The following EIF2AK4 variants were observed in gnomAD, a reference collection of about 807,000 sequenced individuals.
The protein encoded by EIF2AK4 is eukaryotic translation initiation factor 2 alpha kinase 4.
Under a neutral mutation model 211.1 loss-of-function variants are expected in EIF2AK4, and 139 were observed. That is an observed-to-expected ratio of 0.66 (90% confidence interval 0.57 to 0.76). EIF2AK4 has a LOEUF of 0.76. EIF2AK4 is among the 30% of genes least tolerant of loss of function. EIF2AK4 has a pLI of 0.00. For missense variants in EIF2AK4, 1,664 were observed against 2,043.8 expected (o/e 0.81, Z 3.58); for synonymous variants, 710 against 751.3 (o/e 0.94, Z 0.90).
At position 40,010,572 on chromosome 15, in the gene EIF2AK4, G is replaced by C. The variant is rs115945415; in HGVS notation, c.3694-709G>C. 7.5e-3 allele frequency among the ~76,000 whole-genome samples: 1,147 copies of C among 152,282 alleles called. 17 individuals carry two copies. The highest frequency in any genetic ancestry group is 0.026 in the African/African-American group (1,084 of 41,556). On this transcript the variant is annotated intron_variant, in intron 26 of 38. Transcript: ENST00000263791. ...GTTTTCTAATATCTTTTCATGTTAA[G>C]TTTTGTTTTCATAATGAATAAGAGG...
At chr15:39,989,421 C>A (rs1375762770) in intron 15 of EIF2AK4, among the ~76,000 whole-genome samples, 1 of 152,138 alleles carries the variant, frequency 6.6e-6, no homozygotes, top group African/African-American at 2.4e-5. Context: ...GCAGAATTTG[C>A]AAGGTTAGAA....
chr15:39,948,730 A>G (rs2034263787), intron 3 of EIF2AK4, among the ~76,000 whole-genome samples: 1 of 152,212 alleles, frequency 6.6e-6, no homozygotes, highest in Non-Finnish European at 1.5e-5. Flanking sequence ...CATTATGTGG[A>G]CAGGTTTTCT....
chr15:39,956,225 C>T (rs979216588), intron 6 of EIF2AK4, among the ~76,000 whole-genome samples: 9 of 151,922 alleles, frequency 5.9e-5, no homozygotes, highest in Admixed American at 3.3e-4. Flanking sequence ...AGGCTGGTCT[C>T]GAACTCCTGA....
At chr15:40,002,191 A>G (rs970473112) in intron 21 of EIF2AK4, among the ~76,000 whole-genome samples, 1 of 152,190 alleles carries the variant, frequency 6.6e-6, no homozygotes, top group Non-Finnish European at 1.5e-5. Flanking sequence ...ATTATAGGTG[A>G]CTTTTTTATA....
intron 26 of EIF2AK4, 80 bp from the exon 27 acceptor site, chr15:40,011,201 G>A: frequency 8.6e-7 from 1 of 1,162,156 alleles, no homozygotes; most frequent in South Asian, 1.3e-5. Flanking sequence ...GGCTATACTT[G>A]TTAGAATTCG....
rs561895369 is a variant in EIF2AK4 at position 39,973,143 on chromosome 15, T to C, written c.1660+129T>C. The C allele has an allele frequency of 3.8e-5, 29 of 770,152 alleles. 2 individuals carry two copies. In the South Asian group the frequency reaches 4.9e-4, roughly 13 times the overall value. 47.7% of individuals were successfully genotyped at this position (770,152 alleles called of 1,614,324 possible). A position where few individuals can be genotyped will look rare whatever the true frequency, so the allele number is the denominator to read the frequency against. On this transcript the variant is annotated intron_variant, in intron 10 of 38. Transcript: ENST00000263791. ...GTCTTTTATTCTGAACTAAATCCAT[T>C]AGTTTGATGTGTGCCATGTGCATGG...
At chr15:39,978,530 C>T (rs1269099665) in intron 13 of EIF2AK4, among the ~76,000 whole-genome samples, 1 of 152,194 alleles carries the variant, frequency 6.6e-6, no homozygotes. Flanking sequence ...TGTCCCACGT[C>T]AATTAATCTT....
At chr15:39,952,438 C>T (rs1431387689) in intron 4 of EIF2AK4, among the ~76,000 whole-genome samples, 1 of 151,840 alleles carries the variant, frequency 6.6e-6, no homozygotes, top group Non-Finnish European at 1.5e-5. Flanking sequence ...ACTGCACCTG[C>T]CTAATTTTAA....
Position 40,020,881 on chromosome 15 carries a change from G to T in EIF2AK4, c.4174-18G>T, listed in dbSNP as rs772777555. 6.2e-7 allele frequency: 1 copy of T among 1,601,116 alleles called. No homozygotes were observed. The highest frequency in any genetic ancestry group is 2.3e-5 in the East Asian group (1 of 44,444). ...CAGTCTTGCTCCTCTAACTGTAACC[G>T]GTCTGTTTCTGATCCAGGTTACAAT... is the stretch of plus-strand genomic sequence containing the variant. On this transcript the variant is annotated intron_variant, in intron 30 of 38. Transcript: ENST00000263791.
At chr15:40,034,907 C>A in intron 38 of EIF2AK4, 120 bp from the exon 39 acceptor site, 1 of 687,140 alleles carries the variant, frequency 1.5e-6, no homozygotes, top group Non-Finnish European at 2.4e-6. Context: ...TTTTTAATGA[C>A]TAGCCTTCCA....
intron 7 of EIF2AK4, among the ~76,000 whole-genome samples, chr15:39,963,538 A>G (rs1307575578): frequency 6.6e-6 from 1 of 152,194 alleles, no homozygotes; most frequent in African/African-American, 2.4e-5. Flanking sequence ...ATGTTTTTAT[A>G]AAAGATTAAC....
At chr15:39,949,678 C>A (rs760856298) in intron 4 of EIF2AK4, among the ~76,000 whole-genome samples, 11 of 152,098 alleles carry the variant, frequency 7.2e-5, no homozygotes, top group Non-Finnish European at 1.2e-4. Context: ...TATATATTAT[C>A]TTTGATTTAA....
At chr15:40,029,777 TGAAG>T (rs1317880334) in intron 34 of EIF2AK4, among the ~76,000 whole-genome samples, 2 of 152,200 alleles carry the variant, frequency 1.3e-5, no homozygotes, top group African/African-American at 2.4e-5. Context: ...TACAGAGGAT[TGAAG>T]GAAGTATTTT....
intron 1 of EIF2AK4, among the ~76,000 whole-genome samples, chr15:39,936,897 C>G (rs959916597): frequency 6.6e-6 from 1 of 152,090 alleles, no homozygotes; most frequent in Non-Finnish European, 1.5e-5. Flanking sequence ...TATAACTAAC[C>G]TCATGTCAGT....
chr15:39,953,842 A>C, intron 4 of EIF2AK4, 62 bp from the exon 5 acceptor site: 2 of 1,511,578 alleles, frequency 1.3e-6, no homozygotes, highest in Non-Finnish European at 1.8e-6. Flanking sequence ...CTGTAGTTCC[A>C]TAATTTATAT....
intron 27 of EIF2AK4, among the ~76,000 whole-genome samples, chr15:40,014,547 G>A (rs1009605730): frequency 2.0e-5 from 3 of 152,232 alleles, no homozygotes; most frequent in Non-Finnish European, 4.4e-5. Context: ...TAGACACAGG[G>A]CACCAAGTCC....
chr15:39,973,238 T>G (rs142008058), intron 10 of EIF2AK4, among the ~76,000 whole-genome samples: 1 of 152,190 alleles, frequency 6.6e-6, no homozygotes, highest in Non-Finnish European at 1.5e-5. Flanking sequence ...TAGTCTCTTG[T>G]AGTGTTTAGT....
At chr15:39,984,326 G>T (rs1202480055) in intron 13 of EIF2AK4, among the ~76,000 whole-genome samples, 1 of 152,154 alleles carries the variant, frequency 6.6e-6, no homozygotes, top group African/African-American at 2.4e-5. Context: ...GATTGTCTTG[G>T]CTATACGGGC....
At chr15:40,019,477 G>A (rs895476715) in intron 30 of EIF2AK4, among the ~76,000 whole-genome samples, 17 of 152,230 alleles carry the variant, frequency 1.1e-4, no homozygotes, top group African/African-American at 3.1e-4. Context: ...GTTACGAACC[G>A]GGCCGCACAG....
Sources: gnomAD v4.1 joint callset for allele counts (sites outside exome capture counted in the v4.1 genomes callset) on GRCh38, gnomAD v4.1.1 for gene constraint, MANE v1.5 for transcripts, NCBI Gene and HGNC (gene_info 2026-07-23, HGNC 2026-07-21) for gene names.